Variants in ASTN2 observed in about 807,000 individuals in gnomAD.
ASTN2 encodes the protein astrotactin-2.
ASTN2 carries 54 observed loss-of-function variants against 139.8 expected under a neutral mutation model. The observed-to-expected ratio is 0.39, with a 90% CI of 0.31 to 0.48. ASTN2 has a LOEUF of 0.48. Among genes scored for constraint, ASTN2 ranks in the 20% least tolerant of loss-of-function variants. The pLI is 0.95. For missense variants in ASTN2, 1,565 were observed against 1,725.1 expected, an observed-to-expected ratio of 0.91 and a Z score of 1.64; for synonymous variants, 756 against 719.5, an observed-to-expected ratio of 1.05 and a Z score of -0.81.
intron 10 of ASTN2, among the ~76,000 whole-genome samples, chr9:116,931,360 G>T (rs913362257): frequency 6.6e-6 from 1 of 152,146 alleles, no homozygotes; most frequent in East Asian, 1.9e-4. Context: ...CCTGTCACAG[G>T]TGCGAGTCAC....
chr9:116,429,141 C>T (rs994603023), intron 22 of ASTN2, among the ~76,000 whole-genome samples: 1 of 151,956 alleles, frequency 6.6e-6, no homozygotes, highest in African/African-American at 2.4e-5. Flanking sequence ...GAGTTTGAGA[C>T]CAGCCTGGCC....
At chr9:117,097,046 T>G (rs1319316941) in intron 4 of ASTN2, among the ~76,000 whole-genome samples, 1 of 152,152 alleles carries the variant, frequency 6.6e-6, no homozygotes, top group Non-Finnish European at 1.5e-5. Flanking sequence ...AGCCATGGTA[T>G]ATACAAGGAA....
chr9:116,888,963 C>T (rs1833689903), intron 10 of ASTN2, among the ~76,000 whole-genome samples: 1 of 152,134 alleles, frequency 6.6e-6, no homozygotes, highest in Non-Finnish European at 1.5e-5. Flanking sequence ...GTTTTCTGTT[C>T]CTGTGTTAGT....
intron 22 of ASTN2, chr9:116,437,215 C>T (rs1228616723): frequency 2.5e-6 from 1 of 404,846 alleles, no homozygotes; most frequent in Non-Finnish European, 5.0e-6. Flanking sequence ...ATAAAAAATA[C>T]CACTGTTCTA....
intron 13 of ASTN2, among the ~76,000 whole-genome samples, chr9:116,760,166 C>A (rs10759854): frequency 0.65 from 98,850 of 152,052 alleles, 32,325 homozygotes; most frequent in East Asian, 0.73. Flanking sequence ...CCAGGTAGAA[C>A]ATCCCAGGTG....
intron 10 of ASTN2, among the ~76,000 whole-genome samples, chr9:116,973,195 A>G (rs1836257642): frequency 6.6e-6 from 1 of 152,168 alleles, no homozygotes; most frequent in East Asian, 1.9e-4. Context: ...AGGTTTGTTT[A>G]TTTATTTTTG....
At chr9:116,766,716 C>T (rs111342010) in intron 13 of ASTN2, among the ~76,000 whole-genome samples, 13,317 of 151,878 alleles carry the variant, frequency 0.088, 715 homozygotes, top group Admixed American at 0.17. Flanking sequence ...CTTAAACAGT[C>T]ATATCACACA....
chr9:117,309,436 C>G (rs2080160226), intron 1 of ASTN2, among the ~76,000 whole-genome samples: 1 of 152,166 alleles, frequency 6.6e-6, no homozygotes. Flanking sequence ...CCTTCTGACC[C>G]CTAAGATCAA....
At chr9:116,687,362 T>G in intron 16 of ASTN2, 1 of 564,836 alleles carries the variant, frequency 1.8e-6, no homozygotes, top group Non-Finnish European at 2.2e-6. Context: ...GGTGGACTCG[T>G]CGGAGCCGCG....
chr9:116,951,873 T>C (rs996165827), intron 10 of ASTN2, among the ~76,000 whole-genome samples: 5 of 152,202 alleles, frequency 3.3e-5, no homozygotes, highest in African/African-American at 1.2e-4. Flanking sequence ...CTTGAGTAAT[T>C]AGACTATTAT....
Position 117,010,260 on chromosome 9 carries a change from C to A in ASTN2, c.1424-2001G>T, listed in dbSNP as rs549691970. ...CTATCTGCAAAGCCATATTTCCCCC[C>A]TGGAAATAAGCCCAAGCAGAAACAT... On this transcript the variant is annotated intron_variant, in intron 6 of 22. Coordinates refer to ENST00000313400, the MANE Select transcript of ASTN2 (RefSeq NM_001365068.1). Among the ~76,000 whole-genome samples, 14 of 152,186 alleles carry A rather than the reference C, an allele frequency of 9.2e-5. No homozygotes were observed. In the South Asian group the frequency reaches 1.5e-3, roughly 16 times the overall value.
At chr9:117,138,437 C>T (rs1830001768) in intron 4 of ASTN2, among the ~76,000 whole-genome samples, 1 of 152,128 alleles carries the variant, frequency 6.6e-6, no homozygotes, top group South Asian at 2.1e-4. Flanking sequence ...TGAAGGAAGC[C>T]AGTTTGGCTG....
chr9:116,864,173 A>G (rs1463357356), intron 10 of ASTN2, among the ~76,000 whole-genome samples: 1 of 152,156 alleles, frequency 6.6e-6, no homozygotes, highest in Non-Finnish European at 1.5e-5. Flanking sequence ...CAGATTTCAG[A>G]GCTCCCTATA....
At chr9:116,826,769 G>A (rs557480416) in intron 11 of ASTN2, among the ~76,000 whole-genome samples, 25 of 152,152 alleles carry the variant, frequency 1.6e-4, no homozygotes, top group Middle Eastern at 3.4e-3. Flanking sequence ...AAGCTACTTC[G>A]GGGCCTAAAA....
At chr9:117,281,412 T>G (rs1392909384) in intron 2 of ASTN2, among the ~76,000 whole-genome samples, 1 of 152,160 alleles carries the variant, frequency 6.6e-6, no homozygotes, top group African/African-American at 2.4e-5. Context: ...CTCTGAAGAC[T>G]GGGAAGGAGG....
At chr9:116,519,080 A>G (rs1850764174) in intron 19 of ASTN2, among the ~76,000 whole-genome samples, 1 of 152,164 alleles carries the variant, frequency 6.6e-6, no homozygotes, top group African/African-American at 2.4e-5. Context: ...CTCCACTGAG[A>G]GCACAAGACA....
chr9:116,630,763 G>A (rs755694397), intron 17 of ASTN2, among the ~76,000 whole-genome samples: 4 of 152,076 alleles, frequency 2.6e-5, no homozygotes, highest in Non-Finnish European at 5.9e-5. Context: ...AGTCAATAGA[G>A]GGAAAAGACA....
intron 19 of ASTN2, among the ~76,000 whole-genome samples, chr9:116,596,406 G>T: frequency 6.6e-6 from 1 of 152,132 alleles, no homozygotes; most frequent in Non-Finnish European, 1.5e-5. Context: ...TTTAAAATGT[G>T]TTAAGAGGCT....
chr9:117,329,904 A>G (rs901750188), intron 1 of ASTN2, among the ~76,000 whole-genome samples: 1 of 151,928 alleles, frequency 6.6e-6, no homozygotes. Context: ...CTTCTCATGC[A>G]CTCTCCCTTT....
Sources: gnomAD v4.1 joint callset for allele counts (sites outside exome capture counted in the v4.1 genomes callset) on GRCh38, gnomAD v4.1.1 for gene constraint, MANE v1.5 for transcripts, NCBI Gene and HGNC (gene_info 2026-07-23, HGNC 2026-07-21) for gene names.